Variants in SPTLC2 observed in about 807,000 individuals in gnomAD.
SPTLC2 encodes the protein serine palmitoyltransferase long chain base subunit 2, also known as serine palmitoyltransferase 2.
A neutral mutation model predicts 62.0 loss-of-function variants in SPTLC2; 21 were observed. That is an observed-to-expected ratio of 0.34 (90% CI 0.24 to 0.49). The LOEUF is 0.49. Among genes scored for constraint, SPTLC2 ranks in the 20% least tolerant of loss-of-function variants. The pLI is 0.99. For missense variants in SPTLC2, 511 were observed against 713.0 expected, an observed-to-expected ratio of 0.72 and a Z score of 3.23; for synonymous variants, 261 against 261.8, an observed-to-expected ratio of 1.00 and a Z score of 0.03.
chr14:77,532,200 G>A (rs908173188), intron 9 of SPTLC2, among the ~76,000 whole-genome samples: 17 of 152,190 alleles, frequency 1.1e-4, no homozygotes, highest in African/African-American at 3.6e-4. Flanking sequence ...TGTATTGTAA[G>A]ATGGGGTAAG....
At chr14:77,607,011 A>G (rs367933785) in intron 1 of SPTLC2, among the ~76,000 whole-genome samples, 2 of 152,086 alleles carry the variant, frequency 1.3e-5, no homozygotes, top group Non-Finnish European at 1.5e-5. Flanking sequence ...ATTGTACTCT[A>G]TATTTCATGA....
intron 9 of SPTLC2, among the ~76,000 whole-genome samples, chr14:77,533,698 A>C (rs1328231846): frequency 6.6e-6 from 1 of 152,210 alleles, no homozygotes; most frequent in Non-Finnish European, 1.5e-5. Flanking sequence ...TTATTCAGGA[A>C]ATTTCCAAAA....
intron 4 of SPTLC2, among the ~76,000 whole-genome samples, chr14:77,573,546 TA>T (rs1347550499): frequency 3.9e-5 from 6 of 152,016 alleles, no homozygotes; most frequent in Non-Finnish European, 7.4e-5. Context: ...ATGAGGCCAT[TA>T]GGGGGATGCT....
intron 2 of SPTLC2, 54 bp from the exon 3 acceptor site, chr14:77,579,163 A>AT: frequency 6.3e-7 from 1 of 1,580,308 alleles, no homozygotes; most frequent in Non-Finnish European, 8.6e-7. Context: ...TTATTAAAAA[A>AT]TTTTTTAACA....
intron 5 of SPTLC2, among the ~76,000 whole-genome samples, chr14:77,569,990 A>C (rs2140033693): frequency 6.6e-6 from 1 of 150,376 alleles, no homozygotes; most frequent in South Asian, 2.1e-4. Context: ...TTTAAAAAAT[A>C]AAATCAAATT....
chr14:77,597,953 T>C (rs2079856924), intron 1 of SPTLC2, among the ~76,000 whole-genome samples: 1 of 151,722 alleles, frequency 6.6e-6, no homozygotes, highest in Admixed American at 6.6e-5. Context: ...AGAAAACCCA[T>C]CTCTACTAAA....
In SPTLC2 at chr14:77,531,420, T is replaced by TTTCTTC. The variant is rs145629888; in HGVS notation, c.1304-9845_1304-9840dup. Among the ~76,000 whole-genome samples the TTTCTTC allele has an allele frequency of 2.5e-4, 33 of 129,754 alleles. 1 individual carries two copies. The highest frequency in any genetic ancestry group is 7.7e-4 in the African/African-American group (23 of 29,686). 85.1% of individuals were successfully genotyped at this position (129,754 alleles called of 152,430 possible). A position where few individuals can be genotyped will look rare whatever the true frequency, so the allele number is the denominator to read the frequency against. On this transcript the variant is annotated intron_variant, in intron 9 of 11. Coordinates refer to ENST00000216484, the MANE Select transcript of SPTLC2 (RefSeq NM_004863.4). ...GTTATTTCTTCACAGGGACCATGAC[T>TTTCTTC]TTCTTCTTCTTCTTCTTCTTCTTCT...
At chr14:77,609,973 G>A (rs1198223099) in intron 1 of SPTLC2, among the ~76,000 whole-genome samples, 1 of 152,130 alleles carries the variant, frequency 6.6e-6, no homozygotes, top group Admixed American at 6.5e-5. Flanking sequence ...GAATTACTGG[G>A]CCACATGCTA....
chr14:77,546,957 C>T (rs113028639), intron 9 of SPTLC2, among the ~76,000 whole-genome samples: 3 of 150,110 alleles, frequency 2.0e-5, no homozygotes, highest in Non-Finnish European at 3.0e-5. Context: ...CTTGAATTCC[C>T]GACCTCAGGT....
At chr14:77,601,357 C>A (rs1339855068) in intron 1 of SPTLC2, among the ~76,000 whole-genome samples, 1 of 152,176 alleles carries the variant, frequency 6.6e-6, no homozygotes, top group Non-Finnish European at 1.5e-5. Context: ...TAATTCTCCC[C>A]ACCCTTGACA....
In SPTLC2 at chr14:77,516,824, TATACTC is replaced by T. The variant is rs548844127; in HGVS notation, c.1569+1208_1569+1213del. 6.2e-3 allele frequency among the ~76,000 whole-genome samples: 940 copies of T among 152,352 alleles called. 5 individuals carry two copies. The highest frequency in any genetic ancestry group is 0.01 in the Middle Eastern group (3 of 294). ...TTTGTTTTTTAAAAGGGAATACACTTATACTCATAGAAATTTTGCTGTGTAGAAACA... is the reference window on the plus strand; with the variant it reads ...TTTGTTTTTTAAAAGGGAATACACTTATAGAAATTTTGCTGTGTAGAAACA... On this transcript the variant is annotated intron_variant, in intron 11 of 11. Coordinates refer to ENST00000216484, the MANE Select transcript of SPTLC2 (RefSeq NM_004863.4).
chr14:77,533,290 A>C, intron 9 of SPTLC2, among the ~76,000 whole-genome samples: 1 of 145,496 alleles, frequency 6.9e-6, no homozygotes, highest in East Asian at 2.1e-4. Flanking sequence ...ACAAGAGCGA[A>C]ACTCCGTTGC....
At chr14:77,613,664 A>C (rs1271512159) in intron 1 of SPTLC2, among the ~76,000 whole-genome samples, 1 of 152,208 alleles carries the variant, frequency 6.6e-6, no homozygotes, top group African/African-American at 2.4e-5. Context: ...ATTAAAAGAC[A>C]TGGTGGGAGA....
At chr14:77,611,559 C>T (rs956658069) in intron 1 of SPTLC2, among the ~76,000 whole-genome samples, 4 of 152,010 alleles carry the variant, frequency 2.6e-5, no homozygotes, top group Admixed American at 6.5e-5. Flanking sequence ...GGCGTGGTGG[C>T]TCACGCCTGT....
intron 1 of SPTLC2, among the ~76,000 whole-genome samples, chr14:77,599,196 T>A (rs7143656): frequency 0.9 from 137,125 of 152,228 alleles, 61,900 homozygotes; most frequent in East Asian, 1. Context: ...TTATAGAAGA[T>A]ATCTGCTAGA....
rs182179435 is a variant in SPTLC2, at chr14:77,579,487, G to C, written c.328-378C>G. 9.9e-5 allele frequency among the ~76,000 whole-genome samples: 15 copies of C among 152,264 alleles called. No homozygotes were observed. In the East Asian group the frequency reaches 1.7e-3, roughly 18 times the overall value. ...AATCAGGACAGGCTTGGTGGCTCAC[G>C]TCTGTAATCCCAGGACTTTAGAAAG... On this transcript the variant is annotated intron_variant, in intron 2 of 11. Coordinates refer to ENST00000216484, the MANE Select transcript of SPTLC2 (RefSeq NM_004863.4).
chr14:77,606,284 C>T (rs1285165379), intron 1 of SPTLC2, among the ~76,000 whole-genome samples: 1 of 152,110 alleles, frequency 6.6e-6, no homozygotes. Context: ...GAGCCAAAAC[C>T]GCGTGCCACT....
intron 9 of SPTLC2, among the ~76,000 whole-genome samples, chr14:77,528,413 T>C (rs769492552): frequency 9.9e-5 from 15 of 152,102 alleles, no homozygotes; most frequent in Non-Finnish European, 2.1e-4. Flanking sequence ...GTATTTTTAG[T>C]AGAGACGGGG....
At position 77,536,494 on chromosome 14, in the gene SPTLC2, G is replaced by A. The variant is rs75182611; in HGVS notation, c.1304-14913C>T. On this transcript the variant is annotated intron_variant, in intron 9 of 11. Coordinates refer to ENST00000216484, the MANE Select transcript of SPTLC2 (RefSeq NM_004863.4). ...ACCCATTTAAAGCACACAGTTAAAT[G>A]TTTTTTAGTATAGAGTTCTGCACCT... Among the ~76,000 whole-genome samples, 997 of 152,038 alleles carry A rather than the reference G, an allele frequency of 6.6e-3. 9 individuals carry two copies. The highest frequency in any genetic ancestry group is 0.022 in the African/African-American group (917 of 41,474).
Sources: allele counts gnomAD v4.1 joint callset (sites outside exome capture counted in the v4.1 genomes callset), GRCh38; gene constraint gnomAD v4.1.1; transcripts MANE v1.5; gene names NCBI Gene and HGNC (gene_info 2026-07-23, HGNC 2026-07-21).